Variants in FAF1 observed in about 807,000 individuals in gnomAD.
FAF1 encodes Fas associated factor 1.
In FAF1, 25 loss-of-function variants were observed where a neutral mutation model predicts 92.5. The observed-to-expected ratio is 0.27, with a 90% CI of 0.20 to 0.38. The LOEUF (loss-of-function observed/expected upper bound fraction) is 0.38. Among genes scored for constraint, FAF1 ranks in the 10% least tolerant of loss-of-function variants. FAF1 has a pLI of 1.00. For missense variants in FAF1, 636 were observed against 793.3 expected (o/e 0.80, Z 2.38); for synonymous variants, 234 against 273.2 (o/e 0.86, Z 1.42).
chr1:50,551,325 TATATGGTACAC>T (rs1222064561), intron 13 of FAF1, among the ~76,000 whole-genome samples: 6 of 152,184 alleles, frequency 3.9e-5, no homozygotes, highest in East Asian at 3.8e-4. Context: ...TAGTACACAG[TATATGGTACAC>T]ATATGGTACA....
At chr1:50,917,680 AAAGGAAAGG>A (rs1429058241) in intron 1 of FAF1, among the ~76,000 whole-genome samples, 243 of 150,810 alleles carry the variant, frequency 1.6e-3, no homozygotes, top group African/African-American at 5.6e-3. Context: ...AAAGGAAAGG[AAAGGAAAGG>A]AAAGGAAAGG....
intron 15 of FAF1, among the ~76,000 whole-genome samples, chr1:50,510,634 G>T (rs11581155): frequency 0.051 from 7,736 of 152,192 alleles, 270 homozygotes; most frequent in Non-Finnish European, 0.074. Context: ...TCTTAACCAC[G>T]GATTATGCAC....
chr1:50,956,738 C>T (rs1011135909), intron 1 of FAF1, among the ~76,000 whole-genome samples: 2 of 152,152 alleles, frequency 1.3e-5, no homozygotes, highest in Admixed American at 6.5e-5. Flanking sequence ...CACCTGAGGT[C>T]GGGGGTTCGA....
chr1:50,756,574 A>G lies in FAF1; in HGVS notation c.368-11799T>C, dbSNP rs377635290. ...CTTCCACATTTTCAGGTATCTTTTC[A>G]GCAGTGCCCCACTCTCAGTACCAAT... On this transcript the variant is annotated intron_variant, in intron 4 of 18. Transcript: ENST00000396153. 1.9e-4 allele frequency among the ~76,000 whole-genome samples: 29 copies of G among 152,358 alleles called. No individual in the cohort carries two copies. The South Asian group carries it at 5.8e-3, about 30-fold the overall frequency.
intron 8 of FAF1, among the ~76,000 whole-genome samples, chr1:50,637,914 G>GTATA (rs57016473): frequency 6.7e-4 from 100 of 149,574 alleles, no homozygotes; most frequent in African/African-American, 1.8e-3. Context: ...ATAAATTTGT[G>GTATA]TATATATATA....
At chr1:50,828,052 T>A (rs1644118556) in intron 2 of FAF1, among the ~76,000 whole-genome samples, 1 of 152,024 alleles carries the variant, frequency 6.6e-6, no homozygotes, top group African/African-American at 2.4e-5. Flanking sequence ...TCCAAGACCA[T>A]CTTAGTAAAG....
At chr1:50,464,740 TATC>T (rs762950700) in intron 18 of FAF1, among the ~76,000 whole-genome samples, 92 of 152,362 alleles carry the variant, frequency 6.0e-4, no homozygotes, top group Non-Finnish European at 1.0e-3. Context: ...CTTTTGATCT[TATC>T]ATCACAATTT....
At chr1:50,718,765 G>A (rs1569828770) in intron 6 of FAF1, among the ~76,000 whole-genome samples, 1 of 151,944 alleles carries the variant, frequency 6.6e-6, no homozygotes, top group East Asian at 1.9e-4. Context: ...CTTTCCAAAT[G>A]CCCTAACATT....
chr1:50,728,460 T>C (rs1658755207), intron 6 of FAF1, among the ~76,000 whole-genome samples: 1 of 152,146 alleles, frequency 6.6e-6, no homozygotes, highest in Non-Finnish European at 1.5e-5. Context: ...TAGGTCCCAG[T>C]AAGGAACTTG....
intron 18 of FAF1, among the ~76,000 whole-genome samples, chr1:50,466,468 A>G (rs1264243562): frequency 6.6e-6 from 1 of 152,070 alleles, no homozygotes; most frequent in Non-Finnish European, 1.5e-5. Flanking sequence ...TTGAGGAGAG[A>G]ATTTAGACTG....
intron 2 of FAF1, among the ~76,000 whole-genome samples, chr1:50,848,860 G>A (rs935707554): frequency 7.9e-5 from 12 of 152,176 alleles, no homozygotes; most frequent in African/African-American, 2.4e-4. Context: ...CTACAGAGAC[G>A]TGAAAACTAA....
chr1:50,931,170 G>T (rs1434733392), intron 1 of FAF1, among the ~76,000 whole-genome samples: 1 of 152,086 alleles, frequency 6.6e-6, no homozygotes, highest in African/African-American at 2.4e-5. Flanking sequence ...TGTAATTACT[G>T]ATATGGCAGT....
At chr1:50,825,064 A>G (rs1644083288) in intron 2 of FAF1, among the ~76,000 whole-genome samples, 1 of 152,150 alleles carries the variant, frequency 6.6e-6, no homozygotes, top group Admixed American at 6.5e-5. Context: ...ATAGTTAACA[A>G]TAATTTAGTG....
intron 14 of FAF1, among the ~76,000 whole-genome samples, chr1:50,538,766 A>AC (rs755652346): frequency 2.2e-4 from 33 of 152,092 alleles, no homozygotes; most frequent in Non-Finnish European, 4.1e-4. Context: ...CTTTTTAAAC[A>AC]CTGTTTATGA....
chr1:50,896,757 T>C (rs1644760527), intron 1 of FAF1, among the ~76,000 whole-genome samples: 1 of 151,962 alleles, frequency 6.6e-6, no homozygotes, highest in South Asian at 2.1e-4. Context: ...AGACAGAAAA[T>C]AAAATGGTGA....
intron 17 of FAF1, among the ~76,000 whole-genome samples, chr1:50,485,668 A>AAAC (rs1646757335): frequency 1.1e-5 from 1 of 94,668 alleles, no homozygotes; most frequent in African/African-American, 5.2e-5. Context: ...AGACTGTCTC[A>AAAC]AAAAAAAAAA....
intron 6 of FAF1, among the ~76,000 whole-genome samples, chr1:50,713,702 A>AT (rs1390470731): frequency 1.3e-5 from 2 of 151,110 alleles, no homozygotes; most frequent in African/African-American, 4.9e-5. Flanking sequence ...GCTTCAAGTG[A>AT]TCCTCCTGCT....
intron 4 of FAF1, among the ~76,000 whole-genome samples, chr1:50,757,298 T>C (rs765939233): frequency 5.9e-5 from 9 of 152,226 alleles, no homozygotes; most frequent in Admixed American, 2.6e-4. Context: ...GTTCTGAACA[T>C]TATAATGAGA....
chr1:50,935,465 T>A (rs1645078426), intron 1 of FAF1, among the ~76,000 whole-genome samples: 1 of 150,130 alleles, frequency 6.7e-6, no homozygotes, highest in Non-Finnish European at 1.5e-5. Flanking sequence ...CTGGCCTGAT[T>A]TACTCTCTCT....
Sources: allele counts gnomAD v4.1 joint callset (sites outside exome capture counted in the v4.1 genomes callset), GRCh38; gene constraint gnomAD v4.1.1; transcripts MANE v1.5; gene names NCBI Gene and HGNC (gene_info 2026-07-23, HGNC 2026-07-21).